The following ONECUT1 variants were observed in gnomAD, a reference collection of about 807,000 sequenced individuals.
ONECUT1 encodes one cut homeobox 1.
ONECUT1 carries 12 observed loss-of-function variants against 25.6 expected under a neutral mutation model. The ratio of observed to expected loss-of-function variants is 0.47; its 90% CI spans 0.30 to 0.76. The LOEUF is 0.76. Among genes scored for constraint, ONECUT1 ranks in the 30% least tolerant of loss-of-function variants. The probability of loss-of-function intolerance (pLI) is 0.07; values close to 1 mark genes in which losing one functional copy is unlikely to be tolerated. For missense variants in ONECUT1, 620 were observed against 651.2 expected (o/e 0.95, Z 0.52); for synonymous variants, 285 against 270.2 (o/e 1.05, Z -0.54).
Position 52,780,714 on chromosome 15 carries a change from C to A in ONECUT1, c.1105+8066G>T, listed in dbSNP as rs1266110909. 3.3e-6 allele frequency: 5 copies of A among 1,502,790 alleles called. No homozygotes were observed. In the Admixed American group the frequency reaches 9.1e-5, roughly 27 times the overall value. 93.1% of individuals were successfully genotyped at this position (1,502,790 alleles called of 1,614,324 possible). A position where few individuals can be genotyped will look rare whatever the true frequency, so the allele number is the denominator to read the frequency against. On this transcript the variant is annotated intron_variant, in intron 1 of 1. Coordinates refer to ENST00000305901, the MANE Select transcript of ONECUT1 (RefSeq NM_004498.4). ...AGGTCACTAGGTGGCGCGCTTCGCTCGTTTGTTTATTTAATTTTCCCCATT... is the reference window on the plus strand; with the variant it reads ...AGGTCACTAGGTGGCGCGCTTCGCTAGTTTGTTTATTTAATTTTCCCCATT...
intron 1 of ONECUT1, among the ~76,000 whole-genome samples, chr15:52,786,747 T>C (rs1243438103): frequency 1.3e-5 from 2 of 148,208 alleles, no homozygotes; most frequent in East Asian, 4.0e-4. Context: ...AGGTCGTCTC[T>C]GAACAGAACG....
At chr15:52,782,623 T>C (rs2083848480) in intron 1 of ONECUT1, among the ~76,000 whole-genome samples, 1 of 152,218 alleles carries the variant, frequency 6.6e-6, no homozygotes, top group Non-Finnish European at 1.5e-5. Flanking sequence ...TTAAATGTTT[T>C]CTCCAGCATT....
rs185828831 is a variant in ONECUT1, at chr15:52,772,082, C to T, written c.1106-14235G>A. On this transcript the variant is annotated intron_variant, in intron 1 of 1. Transcript: ENST00000305901. The stretch of plus-strand genomic sequence containing the variant: ...ACCCAGCTGCATTGATTGTCATAGA[C>T]AACCTGGCAGAGGAAAAAAAAGCGA... Among the ~76,000 whole-genome samples the T allele has an allele frequency of 2.6e-5, 4 of 152,262 alleles. No individual in the cohort carries two copies. In the East Asian group the frequency reaches 7.7e-4, roughly 29 times the overall value.
In ONECUT1 at chr15:52,788,216, C is replaced by G. The variant is rs2456525; in HGVS notation, c.1105+564G>C. 1.2e-4 allele frequency: 18 copies of G among 154,886 alleles called. No individual in the cohort carries two copies. The highest frequency in any genetic ancestry group is 2.9e-5 in the Non-Finnish European group (2 of 69,622). 9.6% of individuals were successfully genotyped at this position (154,886 alleles called of 1,614,324 possible). On this transcript the variant is annotated intron_variant, in intron 1 of 1. Transcript: ENST00000305901. The surrounding 1 kb of genome is among the most constrained non-coding windows in gnomAD (Gnocchi z 4.3). The stretch of plus-strand genomic sequence containing the variant: ...GCTACACACCCACCGCCCAATGGCT[C>G]TGAAACTTTTTGCCCATACTCTTAG...
At chr15:52,782,424 C>T (rs2083847247) in intron 1 of ONECUT1, among the ~76,000 whole-genome samples, 1 of 152,060 alleles carries the variant, frequency 6.6e-6, no homozygotes. Context: ...CTATACAAAC[C>T]TATTGATAGA....
At chr15:52,782,179 TAAGAA>T (rs1384277346) in intron 1 of ONECUT1, among the ~76,000 whole-genome samples, 1 of 152,234 alleles carries the variant, frequency 6.6e-6, no homozygotes, top group African/African-American at 2.4e-5. Context: ...TATTAGCTAT[TAAGAA>T]AAGAAAATTT....
chr15:52,779,117 G>A (rs2083822975), intron 1 of ONECUT1, among the ~76,000 whole-genome samples: 1 of 151,370 alleles, frequency 6.6e-6, no homozygotes, highest in Non-Finnish European at 1.5e-5. Flanking sequence ...CTGGAGTCTC[G>A]CTGTCGCCCA....
chr15:52,777,227 GAAGT>G (rs2083806733), intron 1 of ONECUT1, among the ~76,000 whole-genome samples: 3 of 152,258 alleles, frequency 2.0e-5, no homozygotes, highest in East Asian at 1.9e-4. Flanking sequence ...GGTTATTCCA[GAAGT>G]AAGTAGGAAA....
Position 52,788,698 on chromosome 15 carries a change from C to A in ONECUT1, c.1105+82G>T, listed in dbSNP as rs1487897706. The A allele has an allele frequency of 6.8e-7, 1 of 1,461,750 alleles. No individual in the cohort carries two copies. Among genetic ancestry groups the A allele is most frequent in the Non-Finnish European group, 9.2e-7 (1 of 1,082,734 alleles). The allele number at this position is 1,461,750 out of a possible 1,614,324, so 90.5% of individuals were successfully genotyped here. On this transcript the variant is annotated intron_variant, in intron 1 of 1. Transcript: ENST00000305901. The surrounding 1 kb of genome is among the most constrained non-coding windows in gnomAD (Gnocchi z 4.3). ...CGGGCGGGATGAAGCGCACCCAGCC[C>A]TCTCTCCTACCCTTCCTCCTTTGGT...
At chr15:52,765,525 C>T (rs2083729252) in intron 1 of ONECUT1, among the ~76,000 whole-genome samples, 2 of 152,158 alleles carry the variant, frequency 1.3e-5, no homozygotes, top group Non-Finnish European at 2.9e-5. Flanking sequence ...CTCTTAGAGA[C>T]AATATATGTG....
intron 1 of ONECUT1, among the ~76,000 whole-genome samples, chr15:52,760,957 G>A (rs2083702352): frequency 6.6e-6 from 1 of 151,074 alleles, no homozygotes; most frequent in South Asian, 2.1e-4. Flanking sequence ...CCAGCTGCTG[G>A]AAGGGTTGGT....
chr15:52,773,400 T>C (rs2083780508), intron 1 of ONECUT1, among the ~76,000 whole-genome samples: 1 of 152,188 alleles, frequency 6.6e-6, no homozygotes, highest in African/African-American at 2.4e-5. Context: ...ATTTTAGAAA[T>C]ACGTACATGA....
intron 1 of ONECUT1, among the ~76,000 whole-genome samples, chr15:52,777,399 A>G (rs2083807853): frequency 6.6e-6 from 1 of 152,162 alleles, no homozygotes; most frequent in Non-Finnish European, 1.5e-5. Flanking sequence ...CTAGAGGAAT[A>G]GGACACCCTC....
intron 1 of ONECUT1, among the ~76,000 whole-genome samples, chr15:52,759,154 T>C (rs1283406692): frequency 6.6e-6 from 1 of 152,146 alleles, no homozygotes; most frequent in African/African-American, 2.4e-5. Context: ...GAGGGAGGGA[T>C]TGCCATTCTT....
intron 1 of ONECUT1, among the ~76,000 whole-genome samples, chr15:52,762,938 T>C (rs371942745): frequency 3.3e-4 from 50 of 151,936 alleles, no homozygotes; most frequent in African/African-American, 1.0e-3. Flanking sequence ...AAACCCCCAA[T>C]TGGAGGTTAT....
rs559098093 is a variant in ONECUT1, at chr15:52,775,649, G to A, written c.1105+13131C>T. Among the ~76,000 whole-genome samples, 8 of 152,200 alleles carry A rather than the reference G, an allele frequency of 5.3e-5. No homozygotes were observed. In the East Asian group the frequency reaches 1.5e-3, roughly 29 times the overall value. On this transcript the variant is annotated intron_variant, in intron 1 of 1. Coordinates refer to ENST00000305901, the MANE Select transcript of ONECUT1 (RefSeq NM_004498.4). Reference sequence around the variant, plus strand: ...TTCATGCTGTTCAAATTAAAATAATGATGTGCATTTAGTATATGTTCAAAA... The same window carrying A: ...TTCATGCTGTTCAAATTAAAATAATAATGTGCATTTAGTATATGTTCAAAA...
At chr15:52,762,775 C>G (rs977458368) in intron 1 of ONECUT1, among the ~76,000 whole-genome samples, 4 of 152,192 alleles carry the variant, frequency 2.6e-5, no homozygotes, top group African/African-American at 9.7e-5. Flanking sequence ...TAGACTAAAG[C>G]TTACTGAGAG....
At chr15:52,758,575 T>G (rs1477213910) in intron 1 of ONECUT1, among the ~76,000 whole-genome samples, 1 of 152,198 alleles carries the variant, frequency 6.6e-6, no homozygotes, top group Non-Finnish European at 1.5e-5. Context: ...TTAGCCATGT[T>G]CATCTCTGGG....
At chr15:52,761,631 A>G (rs2141446420) in intron 1 of ONECUT1, among the ~76,000 whole-genome samples, 1 of 152,340 alleles carries the variant, frequency 6.6e-6, no homozygotes, top group South Asian at 2.1e-4. Context: ...ATATTGCAAC[A>G]CTATACCACA....
Sources: allele counts gnomAD v4.1 joint callset (sites outside exome capture counted in the v4.1 genomes callset), GRCh38; gene constraint gnomAD v4.1.1; non-coding constraint Gnocchi (gnomAD v3.1); transcripts MANE v1.5; gene names NCBI Gene and HGNC (gene_info 2026-07-23, HGNC 2026-07-21).